The following LENG1 variants were observed in gnomAD, a reference collection of about 807,000 sequenced individuals.
LENG1 encodes the protein leukocyte receptor cluster member 1.
Under a neutral mutation model 28.8 loss-of-function variants are expected in LENG1, and 35 were observed. That is an observed-to-expected ratio of 1.22 (90% CI 0.93 to 1.61). The LOEUF (loss-of-function observed/expected upper bound fraction) is 1.61, where lower values mean the gene tolerates loss of function less well. Ranked by LOEUF, LENG1 falls within the 40% of genes most tolerant of loss-of-function variation. The pLI is 0.00. For synonymous variants in LENG1, 170 were observed against 140.6 expected (o/e 1.21, Z -1.48); for missense variants, 404 against 348.9 (o/e 1.16, Z -1.26).
At chr19:54,158,987 T>C (rs2075448196) in intron 1 of LENG1, among the ~76,000 whole-genome samples, 1 of 152,196 alleles carries the variant, frequency 6.6e-6, no homozygotes, top group African/African-American at 2.4e-5. Flanking sequence ...TAAAGAGCCA[T>C]ACGGAAAGCC....
intron 1 of LENG1, 116 bp downstream of exon 1, chr19:54,159,448 G>C: frequency 8.6e-7 from 1 of 1,156,130 alleles, no homozygotes. Context: ...TCGGCGCCTG[G>C]TCCCGAATTT....
chr19:54,155,257 G>A lies in LENG1; in HGVS notation c.*464C>T, dbSNP rs761763992. 36 of 1,604,092 alleles carry A rather than the reference G, an allele frequency of 2.2e-5. No homozygotes were observed. The highest frequency in any genetic ancestry group is 2.9e-5 in the Non-Finnish European group (34 of 1,176,682). ...CCCCTTTGTCTGTTGGTCCGGCCCA[G>A]ATCCCAGACCACCTCCTCGTCCACT... is the stretch of plus-strand genomic sequence containing the variant. On this transcript the variant is annotated 3_prime_UTR_variant, in exon 4 of 4. Coordinates refer to ENST00000222224, the MANE Select transcript of LENG1 (RefSeq NM_024316.3).
In LENG1 at chr19:54,159,607, T is replaced by G. The variant is rs1568713255; in HGVS notation, c.89A>C (p.Glu30Ala). Residue 30 changes from glutamate (E) to alanine (A), a missense_variant, in exon 1 of 4, where the codon GAG becomes GCG. By Grantham distance (107) the Glu-to-Ala change is moderately radical. Transcript: ENST00000222224. ...VRRDEAQARE[E>A]EKERERRVLL... is the part of the protein sequence containing the mutation. ...CACCCTCCGCTCACGCTCCTTCTCC[T>G]CCTCCCGGGCCTGGGCCTCGTCACG... is the stretch of plus-strand genomic sequence containing the variant. The G allele has an allele frequency of 6.2e-7, 1 of 1,607,902 alleles. No individual in the cohort carries two copies. Among genetic ancestry groups the G allele is most frequent in the South Asian group, 1.1e-5 (1 of 90,108 alleles).
intron 3 of LENG1, 32 bp from the exon 4 acceptor site, chr19:54,155,972 G>GT (rs2075376780): frequency 6.4e-7 from 1 of 1,568,766 alleles, no homozygotes; most frequent in Admixed American, 1.8e-5. Flanking sequence ...CAGAAAGCTG[G>GT]TAGCCCCTAG....
intron 3 of LENG1, among the ~76,000 whole-genome samples, 161 bp from the exon 4 acceptor site, chr19:54,156,101 C>T (rs564151755): frequency 2.0e-5 from 3 of 152,350 alleles, no homozygotes; most frequent in African/African-American, 2.4e-5. Context: ...GGTGCTGGGA[C>T]GCCATGGGCA....
At chr19:54,159,494 C>T in intron 1 of LENG1, 70 bp downstream of exon 1, 1 of 1,441,760 alleles carries the variant, frequency 6.9e-7, no homozygotes, top group Non-Finnish European at 9.1e-7. Context: ...AACGCCTCCG[C>T]TTCCGGCCCC....
At chr19:54,158,486 C>T in intron 1 of LENG1, 25 bp from the exon 2 acceptor site, 1 of 1,601,074 alleles carries the variant, frequency 6.2e-7, no homozygotes, top group African/African-American at 1.3e-5. Context: ...ATAGGCAGGA[C>T]ATTCAGAACC....
At chr19:54,159,528 G>A in intron 1 of LENG1, 36 bp downstream of exon 1, 1 of 1,502,754 alleles carries the variant, frequency 6.7e-7, no homozygotes, top group Non-Finnish European at 8.9e-7. Flanking sequence ...TGCGCGCTGG[G>A]CCCCGGAGCG....
intron 2 of LENG1, among the ~76,000 whole-genome samples, chr19:54,158,061 G>A (rs1386334611): frequency 1.3e-5 from 2 of 152,204 alleles, no homozygotes; most frequent in Non-Finnish European, 2.9e-5. Flanking sequence ...TTGGAGAACT[G>A]AGCGGTTTGC....
Position 54,156,895 on chromosome 19 carries a change from T to G in LENG1, c.443A>C (p.Glu148Ala). Residue 148 changes from glutamate (E) to alanine (A), a missense_variant, in exon 3 of 4, where the codon GAG becomes GCG. Glu to Ala is a moderately radical substitution (Grantham distance 107). Transcript: ENST00000222224. ...GGPPPGPAPD[E>A]KIKSRLDPLR... ...AGGGTCCAGACGGCTCTTGATCTTC[T>G]CATCTGGGGCTGGGCCGGGCGGGGG... 1.3e-6 allele frequency: 1 copy of G among 749,650 alleles called. No homozygotes were observed. Among genetic ancestry groups the G allele is most frequent in the South Asian group, 1.3e-5 (1 of 74,954 alleles). 46.4% of individuals were successfully genotyped at this position (749,650 alleles called of 1,614,324 possible).
rs145785415 is a variant in LENG1 at position 54,156,229 on chromosome 19, G to A, written c.576-289C>T. 8.5e-5 allele frequency among the ~76,000 whole-genome samples: 13 copies of A among 152,254 alleles called. No individual in the cohort carries two copies. In the East Asian group the frequency reaches 2.3e-3, roughly 27 times the overall value. ...CTGGCCCTCAGTTTCCCTTTCTAGA[G>A]GAAAGAAGACTACAGGCAGTGTACC... On this transcript the variant is annotated intron_variant, in intron 3 of 3. Transcript: ENST00000222224.
chr19:54,156,417 AT>A (rs2075387558), intron 3 of LENG1, among the ~76,000 whole-genome samples: 1 of 152,342 alleles, frequency 6.6e-6, no homozygotes, highest in East Asian at 1.9e-4. Context: ...GCTGCAAATC[AT>A]TAGTGAAAAC....
Position 54,155,823 on chromosome 19 carries a change from C to T in LENG1, c.693G>A (p.Pro231=), listed in dbSNP as rs748507899. The change falls in exon 4 of 4, where the codon CCG becomes CCA. Residue 231 remains proline, a synonymous_variant. Transcript: ENST00000222224. ...VQGRALQEGQ[P]EEDETDDRRR... is the part of the protein sequence containing the mutation. ...GCCGGTCATCCGTCTCGTCTTCTTCCGGCTGACCCTCCTGTAGTGCCCGGC... is the reference window on the plus strand; with the variant it reads ...GCCGGTCATCCGTCTCGTCTTCTTCTGGCTGACCCTCCTGTAGTGCCCGGC... 103 of 1,612,452 alleles carry T rather than the reference C, an allele frequency of 6.4e-5. No homozygotes were observed. The highest frequency in any genetic ancestry group is 3.1e-4 in the South Asian group (28 of 90,826).
Position 54,155,885 on chromosome 19 carries a change from T to C in LENG1, c.631A>G (p.Arg211Gly). 1.9e-6 allele frequency: 3 copies of C among 1,612,824 alleles called. No homozygotes were observed. Among genetic ancestry groups the C allele is most frequent in the Non-Finnish European group, 8.5e-7 (1 of 1,179,786 alleles). Residue 211 changes from arginine to glycine, a missense_variant, in exon 4 of 4, where the codon AGG becomes GGG. Physicochemically the swap from Arg to Gly is moderately radical, Grantham distance 125 (BLOSUM62 -2). Transcript: ENST00000222224. ...GCCAGCAGGGCCTCTGCCCGAGACCTCTCAGCTGCTTCCCTCCGCAGACGT... is the reference window on the plus strand; with the variant it reads ...GCCAGCAGGGCCTCTGCCCGAGACCCCTCAGCTGCTTCCCTCCGCAGACGT... Reference protein sequence around the residue: ...AERLRREAAERSRAEALLARV... With the variant: ...AERLRREAAEGSRAEALLARV...
At position 54,155,506 on chromosome 19, in the gene LENG1, A is replaced by G; in HGVS notation, c.*215T>C. ...GAAGACTGGAGGGAGGCCCCAAGCC[A>G]CGGGGCATCCCCCTCTCCCAGGAAG... On this transcript the variant is annotated 3_prime_UTR_variant, in exon 4 of 4. Coordinates refer to ENST00000222224, the MANE Select transcript of LENG1 (RefSeq NM_024316.3). 1.1e-6 allele frequency: 1 copy of G among 944,754 alleles called. No homozygotes were observed. Among genetic ancestry groups the G allele is most frequent in the Non-Finnish European group, 1.6e-6 (1 of 634,710 alleles). 58.5% of individuals were successfully genotyped at this position (944,754 alleles called of 1,614,324 possible).
chr19:54,155,173 G>A lies in LENG1; in HGVS notation c.*548C>T. The A allele has an allele frequency of 1.1e-6, 1 of 908,226 alleles. No homozygotes were observed. Among genetic ancestry groups the A allele is most frequent in the Non-Finnish European group, 1.7e-6 (1 of 597,942 alleles). The allele number at this position is 908,226 out of a possible 1,614,324, so 56.3% of individuals were successfully genotyped here. On this transcript the variant is annotated 3_prime_UTR_variant, in exon 4 of 4. Coordinates refer to ENST00000222224, the MANE Select transcript of LENG1 (RefSeq NM_024316.3). ...AAGAACCTTGTGAGGATGGATGAGA[G>A]TGTGTGCGTGCAGGGCAGCTGGCCC...
chr19:54,157,063 C>T (rs987729068), intron 2 of LENG1, 38 bp from the exon 3 acceptor site: 1 of 1,483,950 alleles, frequency 6.7e-7, no homozygotes, highest in Non-Finnish European at 9.0e-7. Context: ...GTGATATAAT[C>T]TTTCAAGGTG....
rs182713683 is a variant in LENG1, at chr19:54,159,708, G to C, written c.-13C>G. The C allele has an allele frequency of 2.5e-6, 4 of 1,580,010 alleles. No homozygotes were observed. The African/African-American group carries it at 4.0e-5, about 16-fold the overall frequency. On this transcript the variant is annotated 5_prime_UTR_variant, in exon 1 of 4. Coordinates refer to ENST00000222224, the MANE Select transcript of LENG1 (RefSeq NM_024316.3). ...GCAAGATATTCATGGCGTCGTAGCTGTCCAGGGACTGGCACGCCCGCCTCT... is the reference window on the plus strand; with the variant it reads ...GCAAGATATTCATGGCGTCGTAGCTCTCCAGGGACTGGCACGCCCGCCTCT...
intron 3 of LENG1, 56 bp downstream of exon 3, chr19:54,156,707 C>T (rs2075393825): frequency 6.5e-7 from 1 of 1,537,698 alleles, no homozygotes; most frequent in African/African-American, 1.4e-5. Context: ...CCATGCTGGG[C>T]TGCTGCCAAG....
Sources: gnomAD v4.1 joint callset for allele counts (sites outside exome capture counted in the v4.1 genomes callset) on GRCh38, gnomAD v4.1.1 for gene constraint, MANE v1.5 for transcripts, NCBI Gene and HGNC (gene_info 2026-07-23, HGNC 2026-07-21) for gene names.